Variants in STIM2 observed in about 807,000 individuals in gnomAD.
The protein encoded by STIM2 is stromal interaction molecule 2.
A neutral mutation model predicts 85.8 loss-of-function variants in STIM2; 31 were observed. The ratio of observed to expected loss-of-function variants is 0.36; its 90% CI spans 0.27 to 0.49. The LOEUF is 0.49. Among genes scored for constraint, STIM2 ranks in the 20% least tolerant of loss-of-function variants. The probability of loss-of-function intolerance (pLI) is 0.98; values close to 1 mark genes in which losing one functional copy is unlikely to be tolerated. For synonymous variants in STIM2, 356 were observed against 331.1 expected, an observed-to-expected ratio of 1.08 and a Z score of -0.82; for missense variants, 841 against 927.6, an observed-to-expected ratio of 0.91 and a Z score of 1.21.
chr4:26,903,463 T>TTA (rs1724002344), intron 1 of STIM2, among the ~76,000 whole-genome samples: 1 of 152,240 alleles, frequency 6.6e-6, no homozygotes, highest in African/African-American at 2.4e-5. Context: ...ATGAACTAGT[T>TTA]ATTTCTGTTT....
At chr4:26,915,262 TCTCA>T (rs1459429484) in intron 1 of STIM2, among the ~76,000 whole-genome samples, 2 of 152,128 alleles carry the variant, frequency 1.3e-5, no homozygotes, top group Non-Finnish European at 2.9e-5. Context: ...TGAGACAGAG[TCTCA>T]CTCTGTTACC....
At chr4:26,887,700 T>C (rs1039720565) in intron 1 of STIM2, among the ~76,000 whole-genome samples, 2 of 152,206 alleles carry the variant, frequency 1.3e-5, no homozygotes, top group Non-Finnish European at 2.9e-5. Flanking sequence ...TGAATGTATA[T>C]GTTCATTATT....
At position 26,976,523 on chromosome 4, in the gene STIM2, A is replaced by C. The variant is rs542594099; in HGVS notation, c.397+18797A>C. 4.0e-5 allele frequency among the ~76,000 whole-genome samples: 6 copies of C among 150,760 alleles called. No homozygotes were observed. The East Asian group carries it at 7.9e-4, about 20-fold the overall frequency. ...AAAATCAGACTCACCTGCTTTCTTT[A>C]TTTATATATAATCAAAACTTTATGC... On this transcript the variant is annotated intron_variant, in intron 3 of 11. Coordinates refer to ENST00000467087, the MANE Select transcript of STIM2 (RefSeq NM_020860.4).
intron 1 of STIM2, among the ~76,000 whole-genome samples, chr4:26,869,385 G>A (rs367757778): frequency 1.4e-4 from 22 of 152,100 alleles, no homozygotes; most frequent in African/African-American, 4.8e-4. Flanking sequence ...ACTATAGAGG[G>A]TTAAAGTGAG....
chr4:26,990,578 A>T (rs1263835010), intron 3 of STIM2, among the ~76,000 whole-genome samples: 1 of 152,178 alleles, frequency 6.6e-6, no homozygotes, highest in African/African-American at 2.4e-5. Flanking sequence ...ACAAAAGCAA[A>T]AACAGACAAA....
intron 1 of STIM2, among the ~76,000 whole-genome samples, chr4:26,876,996 C>T (rs528973530): frequency 3.3e-5 from 5 of 152,238 alleles, no homozygotes; most frequent in African/African-American, 9.6e-5. Context: ...TATAACTTAA[C>T]CAATTTTAAG....
chr4:26,944,736 A>G (rs1725749356), intron 2 of STIM2, among the ~76,000 whole-genome samples: 1 of 152,222 alleles, frequency 6.6e-6, no homozygotes, highest in Non-Finnish European at 1.5e-5. Context: ...TCAATTAACA[A>G]TAAATGAATA....
At chr4:26,901,491 A>C (rs1266422379) in intron 1 of STIM2, among the ~76,000 whole-genome samples, 1 of 152,108 alleles carries the variant, frequency 6.6e-6, no homozygotes, top group African/African-American at 2.4e-5. Flanking sequence ...TTTCTTTTAA[A>C]AACATTTATT....
chr4:26,936,786 G>C (rs1049766881), intron 2 of STIM2, among the ~76,000 whole-genome samples: 5 of 152,082 alleles, frequency 3.3e-5, no homozygotes, highest in Admixed American at 2.0e-4. Context: ...ATTCAACCCA[G>C]TGCCTTTTGC....
intron 1 of STIM2, among the ~76,000 whole-genome samples, chr4:26,870,262 G>A (rs542818140): frequency 1.3e-5 from 2 of 150,790 alleles, no homozygotes; most frequent in African/African-American, 4.9e-5. Context: ...ATTGACATTT[G>A]TGAAGAGGGT....
At chr4:26,948,028 T>C (rs1272637112) in intron 2 of STIM2, among the ~76,000 whole-genome samples, 3 of 152,190 alleles carry the variant, frequency 2.0e-5, no homozygotes, top group African/African-American at 7.2e-5. Flanking sequence ...CATTCTAATT[T>C]ACAAAAGCAA....
rs1184808375 is a variant in STIM2 at position 27,018,476 on chromosome 4, G to C, written c.1763+492G>C. Among the ~76,000 whole-genome samples, 6 of 152,282 alleles carry C rather than the reference G, an allele frequency of 3.9e-5. No homozygotes were observed. The East Asian group carries it at 1.2e-3, about 29-fold the overall frequency. On this transcript the variant is annotated intron_variant, in intron 11 of 11. Coordinates refer to ENST00000467087, the MANE Select transcript of STIM2 (RefSeq NM_020860.4). ...TTGAGTCTCCAACTTCCGTCTCTCTGATCTCTAGACTAAAATGTAAAAGGC... is the reference window on the plus strand; with the variant it reads ...TTGAGTCTCCAACTTCCGTCTCTCTCATCTCTAGACTAAAATGTAAAAGGC...
At chr4:26,933,604 A>C (rs981853957) in intron 2 of STIM2, among the ~76,000 whole-genome samples, 2 of 151,930 alleles carry the variant, frequency 1.3e-5, no homozygotes, top group African/African-American at 4.8e-5. Flanking sequence ...TTTTTATCAT[A>C]TGCTTTGGGT....
intron 1 of STIM2, among the ~76,000 whole-genome samples, chr4:26,886,622 A>T (rs1723260817): frequency 6.6e-6 from 1 of 152,184 alleles, no homozygotes. Context: ...AGAAACTTCC[A>T]GGAGACCACA....
intron 1 of STIM2, among the ~76,000 whole-genome samples, chr4:26,905,705 A>G (rs900575700): frequency 2.6e-5 from 4 of 152,188 alleles, no homozygotes; most frequent in Admixed American, 2.0e-4. Flanking sequence ...ATGGCTATGT[A>G]TTAAATTTCT....
chr4:26,981,119 A>T (rs1363683482), intron 3 of STIM2, among the ~76,000 whole-genome samples: 2 of 152,196 alleles, frequency 1.3e-5, no homozygotes, highest in Admixed American at 1.3e-4. Flanking sequence ...GACTGCCTGT[A>T]TTCAAGTCTC....
At chr4:26,991,612 T>G (rs1014341664) in intron 3 of STIM2, among the ~76,000 whole-genome samples, 10 of 152,124 alleles carry the variant, frequency 6.6e-5, no homozygotes, top group Admixed American at 1.3e-4. Flanking sequence ...ATGTTTGAGG[T>G]GATGGATATC....
Position 27,008,987 on chromosome 4 carries a change from G to A in STIM2, c.1474G>A (p.Val492Met), listed in dbSNP as rs1728469089. ...CTTAGATGAAGACACACCCCCAATAGTGTCACAATTTCCCGGTAAGTGGCA... is the reference window on the plus strand; with the variant it reads ...CTTAGATGAAGACACACCCCCAATAATGTCACAATTTCCCGGTAAGTGGCA... Residue 492 changes from valine to methionine, a missense_variant, in exon 10 of 12, where the codon GTG becomes ATG. Around this residue, in one of 3 missense-constraint regions of STIM2, gnomAD observed 408 missense variants for 525.4 expected, o/e 0.78. Coordinates refer to ENST00000467087, the MANE Select transcript of STIM2 (RefSeq NM_020860.4). The A allele has an allele frequency of 6.2e-7, 1 of 1,611,296 alleles. No individual in the cohort carries two copies. The highest frequency in any genetic ancestry group is 8.5e-7 in the Non-Finnish European group (1 of 1,178,954).
intron 10 of STIM2, among the ~76,000 whole-genome samples, chr4:27,014,748 T>C (rs895676648): frequency 2.6e-5 from 4 of 151,984 alleles, no homozygotes; most frequent in Non-Finnish European, 5.9e-5. Context: ...TGTTCTTCTA[T>C]GAGTTGCAGA....
Sources: gnomAD v4.1 joint callset for allele counts (sites outside exome capture counted in the v4.1 genomes callset) on GRCh38, gnomAD v4.1.1 for gene constraint, gnomAD v4.1.1 regional missense constraint, MANE v1.5 for transcripts, NCBI Gene and HGNC (gene_info 2026-07-23, HGNC 2026-07-21) for gene names.